ZNF804A: variants seen among roughly 807,000 people sequenced by gnomAD.
ZNF804A encodes zinc finger protein 804A.
A neutral mutation model predicts 16.5 loss-of-function variants in ZNF804A; 2 were observed. The observed-to-expected ratio is 0.12, with a 90% CI of 0.05 to 0.38. ZNF804A has a LOEUF of 0.38. Among genes scored for constraint, ZNF804A ranks in the 10% least tolerant of loss-of-function variants. The pLI, the probability that ZNF804A is intolerant of heterozygous loss-of-function variation, is 0.99. For synonymous variants in ZNF804A, 534 were observed against 489.6 expected (o/e 1.09, Z -1.20); for missense variants, 1,473 against 1,390.7 (o/e 1.06, Z -0.94).
intron 1 of ZNF804A, among the ~76,000 whole-genome samples, chr2:184,694,816 G>C (rs1692795748): frequency 6.6e-6 from 1 of 152,190 alleles, no homozygotes; most frequent in African/African-American, 2.4e-5. Flanking sequence ...TTACTCAAGA[G>C]AGAGGAAGTG....
intron 1 of ZNF804A, among the ~76,000 whole-genome samples, chr2:184,721,224 T>C (rs755710683): frequency 6.6e-6 from 1 of 151,774 alleles, no homozygotes; most frequent in East Asian, 1.9e-4. Context: ...ACACAGTCAA[T>C]AAAAACAAAA....
chr2:184,609,432 T>G (rs1173415423), intron 1 of ZNF804A, among the ~76,000 whole-genome samples: 1 of 152,248 alleles, frequency 6.6e-6, no homozygotes, highest in Non-Finnish European at 1.5e-5. Context: ...TCTCCCAGAT[T>G]CAGCCACTAG....
chr2:184,769,700 C>T (rs918096691), intron 1 of ZNF804A, among the ~76,000 whole-genome samples: 1 of 151,858 alleles, frequency 6.6e-6, no homozygotes, highest in Non-Finnish European at 1.5e-5. Context: ...CAGAGGAGAG[C>T]AAGGAAAGCC....
At chr2:184,920,766 G>A (rs1466225576) in intron 2 of ZNF804A, among the ~76,000 whole-genome samples, 4 of 152,168 alleles carry the variant, frequency 2.6e-5, no homozygotes, top group Non-Finnish European at 5.9e-5. Context: ...GCTTGGAATG[G>A]CCTTGGCTGA....
Position 184,938,490 on chromosome 2 carries a change from C to A in ZNF804A, c.3094C>A (p.Gln1032Lys). The change falls in exon 4 of 4, where the codon CAA becomes AAA. Residue 1032 changes from glutamine (Q) to lysine (K), a missense_variant. Physicochemically the swap from Gln to Lys is moderately conservative, Grantham distance 53 (BLOSUM62 1). Coordinates refer to ENST00000302277, the MANE Select transcript of ZNF804A (RefSeq NM_194250.2). ...CCTGGCTCCATTAGCTTTACCAGAG[C>A]AAGCATTATTGATCCCACTAGAAAA... ...QILAPLALPE[Q>K]ALLIPLENHD... 6.2e-7 allele frequency: 1 copy of A among 1,614,042 alleles called. No individual in the cohort carries two copies. Among genetic ancestry groups the A allele is most frequent in the Non-Finnish European group, 8.5e-7 (1 of 1,180,006 alleles).
chr2:184,866,987 G>T (rs111695760), intron 2 of ZNF804A, among the ~76,000 whole-genome samples: 2,695 of 151,340 alleles, frequency 0.018, 61 homozygotes, highest in African/African-American at 0.061. Context: ...GAAAACATGT[G>T]AAAAAAAGAT....
At chr2:184,834,911 G>A (rs767766579) in intron 1 of ZNF804A, among the ~76,000 whole-genome samples, 2 of 152,068 alleles carry the variant, frequency 1.3e-5, no homozygotes, top group Non-Finnish European at 1.5e-5. Flanking sequence ...ATTGAATTAT[G>A]CATATTTTCA....
chr2:184,647,813 G>A (rs990662688), intron 1 of ZNF804A, among the ~76,000 whole-genome samples: 10 of 152,348 alleles, frequency 6.6e-5, no homozygotes, highest in African/African-American at 1.4e-4. Context: ...GAATACATAT[G>A]TGAGTTAATA....
At chr2:184,915,696 G>C (rs1020604375) in intron 2 of ZNF804A, among the ~76,000 whole-genome samples, 2 of 152,102 alleles carry the variant, frequency 1.3e-5, no homozygotes, top group African/African-American at 4.8e-5. Context: ...ATTAGAACTA[G>C]AATGAGATTT....
intron 2 of ZNF804A, among the ~76,000 whole-genome samples, chr2:184,921,437 G>A (rs1374985607): frequency 2.6e-5 from 4 of 151,950 alleles, no homozygotes; most frequent in Non-Finnish European, 5.9e-5. Flanking sequence ...TAGTGCTTTT[G>A]GACAGCCTCT....
At chr2:184,751,573 C>T (rs1257087016) in intron 1 of ZNF804A, among the ~76,000 whole-genome samples, 3 of 151,120 alleles carry the variant, frequency 2.0e-5, no homozygotes, top group Non-Finnish European at 3.0e-5. Context: ...TAAAAGGCAA[C>T]ATACAAGGAT....
chr2:184,847,997 T>C (rs964294400), intron 1 of ZNF804A, among the ~76,000 whole-genome samples: 8 of 152,018 alleles, frequency 5.3e-5, no homozygotes, highest in Non-Finnish European at 1.2e-4. Flanking sequence ...CTGTTTTCCA[T>C]AGTTTAGGGA....
chr2:184,763,934 G>T (rs905184921), intron 1 of ZNF804A, among the ~76,000 whole-genome samples: 15 of 151,898 alleles, frequency 9.9e-5, no homozygotes, highest in Admixed American at 2.6e-4. Context: ...GAGCCACTGC[G>T]CTGGCCCAAA....
At chr2:184,613,141 G>A (rs1380134567) in intron 1 of ZNF804A, among the ~76,000 whole-genome samples, 4 of 152,228 alleles carry the variant, frequency 2.6e-5, no homozygotes, top group African/African-American at 9.6e-5. Flanking sequence ...AAACTGTGTA[G>A]AGTATGAGAC....
chr2:184,814,210 A>T (rs974994936), intron 1 of ZNF804A, among the ~76,000 whole-genome samples: 1 of 151,854 alleles, frequency 6.6e-6, no homozygotes, highest in Non-Finnish European at 1.5e-5. Context: ...ATATCAATAC[A>T]TTGCTATTAA....
intron 1 of ZNF804A, among the ~76,000 whole-genome samples, chr2:184,650,855 T>A (rs1485633796): frequency 6.6e-6 from 1 of 152,112 alleles, no homozygotes; most frequent in Non-Finnish European, 1.5e-5. Flanking sequence ...TCAGTATTGT[T>A]AAAAACACTG....
chr2:184,750,342 A>G (rs115651196), intron 1 of ZNF804A, among the ~76,000 whole-genome samples: 2,524 of 151,462 alleles, frequency 0.017, 84 homozygotes, highest in African/African-American at 0.056. Context: ...ACAAAAATAC[A>G]TATTTTCAAT....
chr2:184,881,243 G>A (rs1684806233), intron 2 of ZNF804A, among the ~76,000 whole-genome samples: 2 of 152,014 alleles, frequency 1.3e-5, no homozygotes, highest in African/African-American at 4.8e-5. Context: ...GGGAATGAAT[G>A]ACACTTCTGA....
intron 1 of ZNF804A, among the ~76,000 whole-genome samples, chr2:184,801,893 A>G (rs1297736331): frequency 6.6e-6 from 1 of 152,162 alleles, no homozygotes; most frequent in Non-Finnish European, 1.5e-5. Flanking sequence ...AGCGATGGAA[A>G]TGGGGAAATA....
Sources: gnomAD v4.1 joint callset for allele counts (sites outside exome capture counted in the v4.1 genomes callset) on GRCh38, gnomAD v4.1.1 for gene constraint, MANE v1.5 for transcripts, NCBI Gene and HGNC (gene_info 2026-07-23, HGNC 2026-07-21) for gene names.